Variants in PDLIM5 observed in about 807,000 individuals in gnomAD.
PDLIM5 encodes PDZ and LIM domain protein 5.
In PDLIM5, 34 loss-of-function variants were observed where a neutral mutation model predicts 64.2. That is an observed-to-expected ratio of 0.53 (90% CI 0.40 to 0.71). The LOEUF (loss-of-function observed/expected upper bound fraction) is 0.71, where lower values mean the gene tolerates loss of function less well. Ranked by LOEUF, PDLIM5 falls within the 30% of genes least tolerant of loss-of-function variation. The pLI is 0.00. For missense variants in PDLIM5, 683 were observed against 733.6 expected (o/e 0.93, Z 0.80); for synonymous variants, 253 against 269.1 (o/e 0.94, Z 0.59).
intron 2 of PDLIM5, among the ~76,000 whole-genome samples, chr4:94,475,220 G>T (rs773186781): frequency 6.6e-6 from 1 of 152,022 alleles, no homozygotes; most frequent in African/African-American, 2.4e-5. Flanking sequence ...GTATAAAGGA[G>T]GGACTTATTC....
intron 3 of PDLIM5, among the ~76,000 whole-genome samples, chr4:94,565,477 G>T (rs1009427830): frequency 1.3e-5 from 2 of 152,290 alleles, no homozygotes; most frequent in East Asian, 3.9e-4. Context: ...GTTATTGGTA[G>T]CATGTCACCA....
rs150746680 is a variant in PDLIM5 at position 94,506,020 on chromosome 4, C to T, written c.97-17704C>T. ...GGTCTTTCTGGTGACCAGCCTCCAT[C>T]CTGAAGCTACCTGGGGCCCCCAGCC... On this transcript the variant is annotated intron_variant, in intron 2 of 12. Coordinates refer to ENST00000317968, the MANE Select transcript of PDLIM5 (RefSeq NM_006457.5). 5.3e-3 allele frequency among the ~76,000 whole-genome samples: 808 copies of T among 152,280 alleles called. 5 individuals carry two copies. Among genetic ancestry groups the T allele is most frequent in the African/African-American group, 0.018 (749 of 41,542 alleles).
chr4:94,620,986 A>G (rs59048329), intron 8 of PDLIM5, among the ~76,000 whole-genome samples: 2 of 146,344 alleles, frequency 1.4e-5, no homozygotes, highest in African/African-American at 5.0e-5. Context: ...CAGGAGAATC[A>G]CTTGAACCCA....
chr4:94,654,737 T>C, intron 10 of PDLIM5, 97 bp downstream of exon 10: 1 of 769,342 alleles, frequency 1.3e-6, no homozygotes, highest in Non-Finnish European at 2.2e-6. Flanking sequence ...TATTTTCTTC[T>C]TGCTTTATGC....
chr4:94,454,814 GAATTTA>G (rs767796556), intron 1 of PDLIM5, among the ~76,000 whole-genome samples: 1 of 152,206 alleles, frequency 6.6e-6, no homozygotes, highest in Non-Finnish European at 1.5e-5. Context: ...GAGTAACTTA[GAATTTA>G]AGTAAGTGCA....
At chr4:94,493,799 A>C (rs1727083790) in intron 2 of PDLIM5, among the ~76,000 whole-genome samples, 1 of 152,204 alleles carries the variant, frequency 6.6e-6, no homozygotes, top group Non-Finnish European at 1.5e-5. Context: ...AAGAGTCAGA[A>C]AAATGTTTAG....
chr4:94,531,936 A>T (rs1489481971), intron 3 of PDLIM5, among the ~76,000 whole-genome samples: 2 of 151,940 alleles, frequency 1.3e-5, no homozygotes, highest in Non-Finnish European at 2.9e-5. Context: ...TGAAAGGAAA[A>T]AGGGGGGGAA....
In PDLIM5 at chr4:94,575,785, A is replaced by G. The variant is rs756957777; in HGVS notation, c.461A>G (p.His154Arg). 3 of 1,613,874 alleles carry G rather than the reference A, an allele frequency of 1.9e-6. No individual in the cohort carries two copies. Among genetic ancestry groups the G allele is most frequent in the African/African-American group, 2.7e-5 (2 of 74,870 alleles). The change falls in exon 5 of 13, where the codon CAT becomes CGT. Residue 154 changes from histidine (H) to arginine (R), a missense_variant. Coordinates refer to ENST00000317968, the MANE Select transcript of PDLIM5 (RefSeq NM_006457.5). ...PSPSSAFTPAHATTSSHASPS... is the reference protein window; with the variant it reads ...PSPSSAFTPARATTSSHASPS... ...CCATCGTCTGCCTTCACCCCAGCCC[A>G]TGCGACCACCTCATCACATGCTTCC...
chr4:94,506,201 A>G lies in PDLIM5; in HGVS notation c.97-17523A>G, dbSNP rs139241777. ...AAGTACTGCTCTGTAAAACACAGTA[A>G]TTCAGTCTTTTCAACGCCATCATAT... On this transcript the variant is annotated intron_variant, in intron 2 of 12. Transcript: ENST00000317968. 2.0e-5 allele frequency among the ~76,000 whole-genome samples: 3 copies of G among 152,354 alleles called. No homozygotes were observed. In the East Asian group the frequency reaches 5.8e-4, roughly 29 times the overall value.
intron 2 of PDLIM5, among the ~76,000 whole-genome samples, chr4:94,462,284 G>A (rs1723965293): frequency 6.6e-6 from 1 of 152,094 alleles, no homozygotes; most frequent in Non-Finnish European, 1.5e-5. Flanking sequence ...ACCTGTGTTA[G>A]TAGTATACTT....
intron 2 of PDLIM5, among the ~76,000 whole-genome samples, chr4:94,488,120 C>G (rs971179850): frequency 6.6e-6 from 1 of 152,166 alleles, no homozygotes; most frequent in African/African-American, 2.4e-5. Context: ...TCACTACAGG[C>G]ATTTGTTGTT....
chr4:94,662,917 G>A (rs370137244), intron 12 of PDLIM5, among the ~76,000 whole-genome samples: 27 of 151,590 alleles, frequency 1.8e-4, no homozygotes, highest in Middle Eastern at 3.4e-3. Context: ...TATAAAAATC[G>A]GCTATTGGAT....
intron 8 of PDLIM5, among the ~76,000 whole-genome samples, chr4:94,633,782 G>A (rs984000815): frequency 1.3e-5 from 2 of 152,186 alleles, no homozygotes; most frequent in Non-Finnish European, 2.9e-5. Context: ...TAGATAAAGA[G>A]AAACTGCTGA....
chr4:94,512,262 G>A (rs1488652612), intron 2 of PDLIM5, among the ~76,000 whole-genome samples: 1 of 151,778 alleles, frequency 6.6e-6, no homozygotes, highest in South Asian at 2.1e-4. Context: ...CTCATGATCC[G>A]CCCGCCTCAG....
Position 94,585,703 on chromosome 4 carries a change from C to G in PDLIM5, c.849C>G (p.Phe283Leu), listed in dbSNP as rs748400026. 3.1e-6 allele frequency: 5 copies of G among 1,613,752 alleles called. No individual in the cohort carries two copies. The African/African-American group carries it at 4.0e-5, about 13-fold the overall frequency. Reference protein sequence around the residue: ...PRTGTTQSRSFRILAQITGTE... With the variant: ...PRTGTTQSRSLRILAQITGTE... ...CTGGAACAACTCAGTCTCGCTCTTT[C>G]CGAATCCTTGCCCAGATCACTGGGA... Residue 283 changes from phenylalanine (F) to leucine (L), a missense_variant, in exon 6 of 13, where the codon TTC becomes TTG. Coordinates refer to ENST00000317968, the MANE Select transcript of PDLIM5 (RefSeq NM_006457.5).
chr4:94,573,537 G>A (rs999226176), intron 4 of PDLIM5, 144 bp downstream of exon 4: 1 of 775,514 alleles, frequency 1.3e-6, no homozygotes, highest in African/African-American at 1.7e-5. Context: ...TTCCTTCAGA[G>A]ATGAGTAGGG....
rs751065142 is a variant in PDLIM5 at position 94,575,771 on chromosome 4, C to T, written c.447C>T (p.Ala149=). The T allele has an allele frequency of 6.1e-5, 98 of 1,614,166 alleles. No individual in the cohort carries two copies. The highest frequency in any genetic ancestry group is 7.9e-5 in the Non-Finnish European group (93 of 1,180,024). The change falls in exon 5 of 13, where the codon GCC becomes GCT. Residue 149 remains alanine, a synonymous_variant. Transcript: ENST00000317968. ...KVTSIPSPSS[A]FTPAHATTSS... ...CATCCATCCCATCACCATCGTCTGCCTTCACCCCAGCCCATGCGACCACCT... is the reference window on the plus strand; with the variant it reads ...CATCCATCCCATCACCATCGTCTGCTTTCACCCCAGCCCATGCGACCACCT...
chr4:94,513,954 G>C (rs1729124888), intron 2 of PDLIM5, among the ~76,000 whole-genome samples: 1 of 151,962 alleles, frequency 6.6e-6, no homozygotes, highest in Admixed American at 6.6e-5. Flanking sequence ...TTTATCAAAT[G>C]CTTTTTCAGC....
intron 11 of PDLIM5, among the ~76,000 whole-genome samples, chr4:94,657,987 C>T (rs1232405595): frequency 1.3e-5 from 2 of 152,190 alleles, no homozygotes; most frequent in Non-Finnish European, 2.9e-5. Flanking sequence ...TGAGCCACTG[C>T]GCCTGGCCCT....
Sources: gnomAD v4.1 joint callset for allele counts (sites outside exome capture counted in the v4.1 genomes callset) on GRCh38, gnomAD v4.1.1 for gene constraint, MANE v1.5 for transcripts, NCBI Gene and HGNC (gene_info 2026-07-23, HGNC 2026-07-21) for gene names.